GRXCR2: variants seen among roughly 807,000 people sequenced by gnomAD.
The protein encoded by GRXCR2 is glutaredoxin domain-containing cysteine-rich protein 2.
Under a neutral mutation model 24.8 loss-of-function variants are expected in GRXCR2, and 23 were observed. That is an observed-to-expected ratio of 0.93 (90% confidence interval 0.67 to 1.32). The LOEUF is 1.32. Ranked by LOEUF, GRXCR2 falls within the 40% of genes most tolerant of loss-of-function variation. GRXCR2 has a pLI of 0.00. For missense variants in GRXCR2, 315 were observed against 303.4 expected, an observed-to-expected ratio of 1.04 and a Z score of -0.28; for synonymous variants, 130 against 116.1, an observed-to-expected ratio of 1.12 and a Z score of -0.77.
At chr5:145,895,189 G>C (rs549401497) in intron 2 of GRXCR2, among the ~76,000 whole-genome samples, 1 of 151,968 alleles carries the variant, frequency 6.6e-6, no homozygotes, top group Non-Finnish European at 1.5e-5. Context: ...TACTGAATGG[G>C]CAAAAACTGG....
At chr5:145,922,956 G>A (rs764378705) in intron 2 of GRXCR2, among the ~76,000 whole-genome samples, 17 of 152,216 alleles carry the variant, frequency 1.1e-4, no homozygotes, top group Non-Finnish European at 2.2e-4. Flanking sequence ...AAGCATTGCA[G>A]GTCCTTCAAA....
At chr5:145,918,381 A>G (rs150872290) in intron 2 of GRXCR2, among the ~76,000 whole-genome samples, 13 of 152,368 alleles carry the variant, frequency 8.5e-5, no homozygotes, top group African/African-American at 9.6e-5. Flanking sequence ...CTCCAAGTCT[A>G]CAGCTCAGCA....
At chr5:145,866,320 C>T (rs1004936306) in intron 2 of GRXCR2, among the ~76,000 whole-genome samples, 181 bp downstream of exon 2, 1 of 152,172 alleles carries the variant, frequency 6.6e-6, no homozygotes, top group African/African-American at 2.4e-5. Context: ...CTTATAACTG[C>T]TATTGCTAAC....
chr5:145,898,041 G>T (rs1045858727), intron 2 of GRXCR2, among the ~76,000 whole-genome samples: 1 of 151,878 alleles, frequency 6.6e-6, no homozygotes, highest in Non-Finnish European at 1.5e-5. Flanking sequence ...TTTTTGAAAG[G>T]ATAAACAAGA....
intron 2 of GRXCR2, among the ~76,000 whole-genome samples, chr5:145,918,991 A>C (rs536077348): frequency 6.6e-6 from 1 of 152,116 alleles, no homozygotes; most frequent in African/African-American, 2.4e-5. Flanking sequence ...ACTCTGAGCT[A>C]CTAAGTTTCC....
chr5:145,888,203 C>T (rs1263930212), intron 2 of GRXCR2, among the ~76,000 whole-genome samples: 4 of 152,112 alleles, frequency 2.6e-5, no homozygotes, highest in African/African-American at 4.8e-5. Context: ...GGCTGCATCA[C>T]GGAATGCACT....
At chr5:145,871,481 C>A (rs1756531474) in intron 1 of GRXCR2, among the ~76,000 whole-genome samples, 1 of 152,178 alleles carries the variant, frequency 6.6e-6, no homozygotes, top group Non-Finnish European at 1.5e-5. Context: ...AATGACCATA[C>A]TTTGGCCTTT....
chr5:145,866,601 T>G lies in GRXCR2; in HGVS notation c.464A>C (p.Glu155Ala). ...ILQKEEEAEE[E>A]SLMNKEESYG... ...GCTTTCTTCTTTGTTCATCAGAGAC[T>G]CTTCCTCAGCCTCCTCTTCCTTCTG... The change falls in exon 2 of 3, where the codon GAG becomes GCG. Residue 155 changes from glutamate (E) to alanine (A), a missense_variant. Transcript: ENST00000377976. 1 of 1,614,078 alleles carries G rather than the reference T, an allele frequency of 6.2e-7. No individual in the cohort carries two copies. Among genetic ancestry groups the G allele is most frequent in the East Asian group, 2.2e-5 (1 of 44,882 alleles).
chr5:145,859,873 ACCCTCGGCAGTGAAAACAGCTG>A lies in GRXCR2; in HGVS notation c.585_606del (p.Ser196ArgfsTer28). 1 of 1,603,416 alleles carries A rather than the reference ACCCTCGGCAGTGAAAACAGCTG, an allele frequency of 6.2e-7. No individual in the cohort carries two copies. Among genetic ancestry groups the A allele is most frequent in the Non-Finnish European group, 8.5e-7 (1 of 1,173,892 alleles). On this transcript the variant is annotated frameshift_variant, in exon 3 of 3. Transcript: ENST00000377976. LOFTEE classifies it high-confidence loss of function. ...CACAGAGAGCAGGTGGCACTGCCCG[ACCCTCGGCAGTGAAAACAGCTG>A]TCCTCGGGAATATCCCCTTCCTGCA...
At chr5:145,917,392 G>A (rs540514165) in intron 2 of GRXCR2, among the ~76,000 whole-genome samples, 12 of 152,190 alleles carry the variant, frequency 7.9e-5, no homozygotes, top group African/African-American at 2.6e-4. Context: ...AAATAGAAGA[G>A]GTGTGAGAAT....
intron 2 of GRXCR2, among the ~76,000 whole-genome samples, chr5:145,928,141 C>T (rs1435905030): frequency 4.3e-4 from 65 of 151,930 alleles, no homozygotes; most frequent in Middle Eastern, 6.8e-3. Context: ...AGCCAACAGA[C>T]ACATGAAAAA....
rs1182275645 is a variant in GRXCR2 at position 145,866,493 on chromosome 5, C to G, written c.564+8G>C. On this transcript the variant is annotated splice_region_variant and intron_variant, in intron 2 of 2. Transcript: ENST00000377976. ...CTCCGAGCAGGACAGTCAAGCTCCC[C>G]AACGCACCTGTGTATACCGGTTTTG... 1.9e-6 allele frequency: 3 copies of G among 1,607,924 alleles called. No homozygotes were observed. Among genetic ancestry groups the G allele is most frequent in the Admixed American group, 3.3e-5 (2 of 59,966 alleles).
intron 2 of GRXCR2, among the ~76,000 whole-genome samples, chr5:145,889,201 A>AAAGAAAGAAAGG (rs1756824805): frequency 4.0e-5 from 6 of 149,224 alleles, no homozygotes; most frequent in African/African-American, 1.5e-4. Flanking sequence ...AGAAAGAAAG[A>AAAGAAAGAAAGG]AAGAAAGAAA....
intron 2 of GRXCR2, among the ~76,000 whole-genome samples, chr5:145,898,720 A>G (rs924744421): frequency 1.3e-4 from 20 of 152,114 alleles, no homozygotes; most frequent in African/African-American, 4.1e-4. Flanking sequence ...AAAATTCAAC[A>G]TCTTTTCATG....
chr5:145,914,804 T>C (rs1387911), intron 2 of GRXCR2, among the ~76,000 whole-genome samples: 12,680 of 151,532 alleles, frequency 0.084, 847 homozygotes, highest in Admixed American at 0.21. Flanking sequence ...GCCACTGCAA[T>C]TGAGTGGTGC....
chr5:145,893,243 G>C (rs1289605411), intron 2 of GRXCR2, among the ~76,000 whole-genome samples: 3 of 152,106 alleles, frequency 2.0e-5, no homozygotes, highest in Middle Eastern at 3.2e-3. Context: ...AAAATAACCA[G>C]CTAACATCAT....
chr5:145,863,576 G>C (rs1756376247), intron 2 of GRXCR2, among the ~76,000 whole-genome samples: 1 of 152,162 alleles, frequency 6.6e-6, no homozygotes, highest in Non-Finnish European at 1.5e-5. Flanking sequence ...TAGTATGATA[G>C]ATAATAGAAT....
At chr5:145,927,788 C>T (rs1376233059) in intron 2 of GRXCR2, among the ~76,000 whole-genome samples, 1 of 152,030 alleles carries the variant, frequency 6.6e-6, no homozygotes, top group East Asian at 1.9e-4. Flanking sequence ...AGACCTAAAA[C>T]CATAAACACC....
chr5:145,879,305 C>T lies in GRXCR2; in HGVS notation c.-69-12577G>A, dbSNP rs1041783564. Reference sequence around the variant, plus strand: ...TGCTGTATTCAGGAGACCCATCTCACGTGCAGAGACACACATAGGCTCAAA... The same window carrying T: ...TGCTGTATTCAGGAGACCCATCTCATGTGCAGAGACACACATAGGCTCAAA... On this transcript the variant is annotated intron_variant, in intron 2 of 3. Transcript: ENST00000639411. Among the ~76,000 whole-genome samples the T allele has an allele frequency of 8.1e-5, 12 of 148,938 alleles. No individual in the cohort carries two copies. The South Asian group carries it at 8.5e-4, about 11-fold the overall frequency.
Sources: gnomAD v4.1 joint callset for allele counts (sites outside exome capture counted in the v4.1 genomes callset) on GRCh38, gnomAD v4.1.1 for gene constraint, MANE v1.5 for transcripts, NCBI Gene and HGNC (gene_info 2026-07-23, HGNC 2026-07-21) for gene names.